BTBD9: variants seen among roughly 807,000 people sequenced by gnomAD.
The protein encoded by BTBD9 is BTB/POZ domain-containing protein 9.
In BTBD9, 49 loss-of-function variants were observed where a neutral mutation model predicts 64.3. The ratio of observed to expected loss-of-function variants is 0.76; its 90% CI spans 0.61 to 0.97. The LOEUF (loss-of-function observed/expected upper bound fraction) is 0.97, where lower values mean the gene tolerates loss of function less well. Ranked by LOEUF, BTBD9 falls within the 50% of genes least tolerant of loss-of-function variation. BTBD9 has a pLI of 0.00. For missense variants in BTBD9, 598 were observed against 762.1 expected, an observed-to-expected ratio of 0.78 and a Z score of 2.53; for synonymous variants, 260 against 274.7, an observed-to-expected ratio of 0.95 and a Z score of 0.53.
At chr6:38,622,784 T>C (rs1399516465) in intron 1 of BTBD9, among the ~76,000 whole-genome samples, 1 of 152,222 alleles carries the variant, frequency 6.6e-6, no homozygotes, top group Non-Finnish European at 1.5e-5. Context: ...CTGATCATAG[T>C]AACTTCCCAG....
At chr6:38,254,917 C>A (rs1764526834) in intron 9 of BTBD9, among the ~76,000 whole-genome samples, 1 of 152,092 alleles carries the variant, frequency 6.6e-6, no homozygotes, top group Non-Finnish European at 1.5e-5. Context: ...CAGATATATA[C>A]CCAAAGGAAT....
At chr6:38,588,306 T>C in intron 4 of BTBD9, 1 of 1,066,802 alleles carries the variant, frequency 9.4e-7, no homozygotes, top group South Asian at 1.2e-5. Flanking sequence ...CAAGCAATTA[T>C]CCTGCACAAA....
At chr6:38,484,602 T>C (rs955562735) in intron 6 of BTBD9, among the ~76,000 whole-genome samples, 49 of 152,208 alleles carry the variant, frequency 3.2e-4, no homozygotes, top group African/African-American at 1.2e-3. Flanking sequence ...AGCTGGGAGA[T>C]GTCATGGGTT....
chr6:38,239,937 G>A lies in BTBD9; in HGVS notation c.1562+16472C>T, dbSNP rs145663365. Among the ~76,000 whole-genome samples the A allele has an allele frequency of 1.5e-3, 222 of 152,300 alleles. 5 individuals carry two copies. In the East Asian group the frequency reaches 0.031, roughly 21 times the overall value. ...CTTACCTTATCAGAAAGAGCAGCCTGGCACTGGCACAGGAGTGCAACAAAA... is the reference window on the plus strand; with the variant it reads ...CTTACCTTATCAGAAAGAGCAGCCTAGCACTGGCACAGGAGTGCAACAAAA... On this transcript the variant is annotated intron_variant, in intron 9 of 10. Coordinates refer to ENST00000481247, the MANE Select transcript of BTBD9 (RefSeq NM_001099272.2).
chr6:38,551,371 C>G (rs1164948622), intron 6 of BTBD9, among the ~76,000 whole-genome samples: 3 of 152,164 alleles, frequency 2.0e-5, no homozygotes, highest in African/African-American at 7.2e-5. Context: ...CACTTGGAAT[C>G]TAGAAGCAGT....
At chr6:38,605,372 G>GCC (rs1777397171) in intron 1 of BTBD9, among the ~76,000 whole-genome samples, 13 of 152,106 alleles carry the variant, frequency 8.5e-5, no homozygotes, top group Admixed American at 8.5e-4. Context: ...TTAGTAAGTG[G>GCC]ATGGCACTGC....
intron 6 of BTBD9, among the ~76,000 whole-genome samples, chr6:38,516,548 T>C (rs1204698311): frequency 6.6e-6 from 1 of 152,158 alleles, no homozygotes; most frequent in Non-Finnish European, 1.5e-5. Context: ...GTGTAGGCAA[T>C]TCAGAACGGG....
intron 7 of BTBD9, among the ~76,000 whole-genome samples, chr6:38,337,089 C>T (rs1177133074): frequency 6.6e-6 from 1 of 152,208 alleles, no homozygotes; most frequent in African/African-American, 2.4e-5. Flanking sequence ...CTGTAGGAAA[C>T]TATCTGCATT....
At chr6:38,222,451 G>A (rs1375637781) in intron 9 of BTBD9, among the ~76,000 whole-genome samples, 2 of 151,804 alleles carry the variant, frequency 1.3e-5, no homozygotes, top group African/African-American at 4.8e-5. Context: ...AGTAGAGACG[G>A]GGTTTCACCG....
chr6:38,623,497 G>A (rs1778068400), intron 1 of BTBD9, among the ~76,000 whole-genome samples: 1 of 152,166 alleles, frequency 6.6e-6, no homozygotes, highest in South Asian at 2.1e-4. Flanking sequence ...CATTTGACAG[G>A]AGTGACTCTC....
intron 8 of BTBD9, among the ~76,000 whole-genome samples, chr6:38,273,135 G>T (rs934223217): frequency 6.6e-6 from 1 of 152,208 alleles, no homozygotes; most frequent in South Asian, 2.1e-4. Flanking sequence ...TGCCTGAACA[G>T]CTTCAAACCA....
chr6:38,565,293 G>C (rs1444456937), intron 6 of BTBD9, among the ~76,000 whole-genome samples: 2 of 152,110 alleles, frequency 1.3e-5, no homozygotes, highest in Non-Finnish European at 2.9e-5. Flanking sequence ...CTTTGTTGTA[G>C]GGAGATGTCC....
chr6:38,337,091 A>G (rs1158301386), intron 7 of BTBD9, among the ~76,000 whole-genome samples: 2 of 152,192 alleles, frequency 1.3e-5, no homozygotes, highest in Non-Finnish European at 2.9e-5. Context: ...GTAGGAAACT[A>G]TCTGCATTAA....
chr6:38,371,329 A>G (rs1054245793), intron 6 of BTBD9, among the ~76,000 whole-genome samples: 3 of 152,232 alleles, frequency 2.0e-5, no homozygotes, highest in African/African-American at 7.2e-5. Flanking sequence ...TTAAACTCTG[A>G]AAGTGTTCCA....
intron 6 of BTBD9, among the ~76,000 whole-genome samples, chr6:38,370,088 T>C (rs1405803694): frequency 2.0e-5 from 3 of 152,226 alleles, no homozygotes; most frequent in Non-Finnish European, 4.4e-5. Context: ...TGTATCCTGA[T>C]TGTAAATTCC....
intron 1 of BTBD9, among the ~76,000 whole-genome samples, chr6:38,629,465 G>A (rs1363497333): frequency 6.6e-6 from 1 of 152,126 alleles, no homozygotes; most frequent in African/African-American, 2.4e-5. Flanking sequence ...CTATATTACC[G>A]CCAAAACTGC....
chr6:38,197,721 AACTGG>A (rs1413477561), intron 9 of BTBD9, among the ~76,000 whole-genome samples: 1 of 152,248 alleles, frequency 6.6e-6, no homozygotes, highest in Non-Finnish European at 1.5e-5. Flanking sequence ...ACATATGGCA[AACTGG>A]AAAGAAAAGA....
rs1205134058 is a variant in BTBD9, at chr6:38,171,853, A to C, written c.*3132T>G. The stretch of plus-strand genomic sequence containing the variant: ...AAGTTGCCTTTCTACTCTCAAAAAA[A>C]AAAAAAAAAAAAAAAAAAAAAAAAA... On this transcript the variant is annotated 3_prime_UTR_variant, in exon 11 of 11. Transcript: ENST00000481247. 0.09 allele frequency: 1,926 copies of C among 21,454 alleles called. 23 individuals are homozygous for C. The highest frequency in any genetic ancestry group is 0.17 in the Non-Finnish European group (1,420 of 8,520). The allele number at this position is 21,454 out of a possible 1,614,324, so 1.3% of individuals were successfully genotyped here.
At chr6:38,218,661 C>T (rs1208836458) in intron 9 of BTBD9, among the ~76,000 whole-genome samples, 1 of 152,166 alleles carries the variant, frequency 6.6e-6, no homozygotes, top group East Asian at 1.9e-4. Context: ...CCACTAGTTG[C>T]CTAGCCTCTA....
Sources: gnomAD v4.1 joint callset for allele counts (sites outside exome capture counted in the v4.1 genomes callset) on GRCh38, gnomAD v4.1.1 for gene constraint, MANE v1.5 for transcripts, NCBI Gene and HGNC (gene_info 2026-07-23, HGNC 2026-07-21) for gene names.